ARHGAP29: variants seen among roughly 807,000 people sequenced by gnomAD.
ARHGAP29 encodes the protein Rho GTPase activating protein 29.
Under a neutral mutation model 122.6 loss-of-function variants are expected in ARHGAP29, and 43 were observed. That is an observed-to-expected ratio of 0.35 (90% confidence interval 0.27 to 0.45). ARHGAP29 has a LOEUF of 0.45. ARHGAP29 is among the 20% of genes least tolerant of loss of function. The pLI is 1.00. For missense variants in ARHGAP29, 1,303 were observed against 1,477.2 expected, an observed-to-expected ratio of 0.88 and a Z score of 1.93; for synonymous variants, 506 against 497.1, an observed-to-expected ratio of 1.02 and a Z score of -0.24.
chr1:94,241,641 A>ATT (rs1303857405), upstream of ARHGAP29, among the ~76,000 whole-genome samples: 3 of 123,400 alleles, frequency 2.4e-5, no homozygotes, highest in Non-Finnish European at 3.5e-5. Context: ...TTTATATATA[A>ATT]TTATATATAT....
intron 2 of ARHGAP29, among the ~76,000 whole-genome samples, chr1:94,222,818 AT>A (rs1184623129): frequency 6.6e-6 from 1 of 152,174 alleles, no homozygotes; most frequent in Non-Finnish European, 1.5e-5. Context: ...GGAACTTTGT[AT>A]TATTATCTCA....
chr1:94,294,710 G>A, the ARHGAP29 span, among the ~76,000 whole-genome samples: 3 of 152,198 alleles, frequency 2.0e-5, no homozygotes, highest in African/African-American at 4.8e-5. Flanking sequence ...TAGATGAGAT[G>A]AGCAGAGGGC....
intron 1 of ARHGAP29, among the ~76,000 whole-genome samples, chr1:94,268,762 T>C (rs1440704159): frequency 6.6e-6 from 1 of 152,154 alleles, no homozygotes; most frequent in East Asian, 1.9e-4. Context: ...CATAGCTCAC[T>C]GTAACCTTGA....
intron 11 of ARHGAP29, 125 bp downstream of exon 11, chr1:94,202,419 G>A (rs1650903736): frequency 1.8e-6 from 2 of 1,129,154 alleles, no homozygotes; most frequent in Non-Finnish European, 2.5e-6. Flanking sequence ...AACTCTGGGG[G>A]ATGGGCTTAG....
chr1:94,177,679 T>C lies in ARHGAP29; in HGVS notation c.2838A>G (p.Arg946=). The C allele has an allele frequency of 6.2e-7, 1 of 1,613,492 alleles. No individual in the cohort carries two copies. Among genetic ancestry groups the C allele is most frequent in the Non-Finnish European group, 8.5e-7 (1 of 1,179,856 alleles). Residue 946 remains arginine (R), a synonymous_variant, in exon 22 of 23, where the codon CGA becomes CGG. Transcript: ENST00000260526. ...GTTCTGATTCCTCAAATGATGTAGC[T>C]CGTTCAAAAATTTTGCTTTCACTCT... The part of the protein sequence containing the change: ...TSESESKIFE[R]ATSFEESERK...
intron 12 of ARHGAP29, chr1:94,195,122 A>G (rs907834700): frequency 6.6e-6 from 1 of 152,228 alleles, no homozygotes; most frequent in African/African-American, 2.4e-5. Flanking sequence ...TGTAACTGCT[A>G]TATTCTCTTG....
Position 94,203,292 on chromosome 1 carries a change from G to C in ARHGAP29, c.763-82C>G, listed in dbSNP as rs555582761. 1.0e-4 allele frequency: 98 copies of C among 944,656 alleles called. No individual in the cohort carries two copies. The South Asian group carries it at 2.0e-3, about 19-fold the overall frequency. The allele number at this position is 944,656 out of a possible 1,614,324, so 58.5% of individuals were successfully genotyped here. The stretch of plus-strand genomic sequence containing the variant: ...ACACATCACTACCCTTCTTCAAAAA[G>C]GGAAACTAAGTTTAGACTTTTGCCC... On this transcript the variant is annotated intron_variant, in intron 8 of 22. Transcript: ENST00000260526.
At chr1:94,199,806 T>A (rs775657409) in intron 12 of ARHGAP29, among the ~76,000 whole-genome samples, 2 of 152,222 alleles carry the variant, frequency 1.3e-5, no homozygotes, top group African/African-American at 2.4e-5. Context: ...AATTCCCTTG[T>A]GGCCCTGTGT....
chr1:94,223,634 T>C (rs1652452656), intron 2 of ARHGAP29, among the ~76,000 whole-genome samples: 1 of 152,074 alleles, frequency 6.6e-6, no homozygotes, highest in Admixed American at 6.5e-5. Context: ...TATATATGTA[T>C]GTATATAGCC....
chr1:94,299,916 T>C, the ARHGAP29 span, among the ~76,000 whole-genome samples: 1 of 152,264 alleles, frequency 6.6e-6, no homozygotes, highest in East Asian at 1.9e-4. Flanking sequence ...GCTTTATGTG[T>C]AGAGAGGACC....
intron 5 of ARHGAP29, among the ~76,000 whole-genome samples, 155 bp downstream of exon 5, chr1:94,208,677 C>A (rs1651374449): frequency 6.6e-6 from 1 of 152,088 alleles, no homozygotes; most frequent in Non-Finnish European, 1.5e-5. Context: ...CCAGGCTGGT[C>A]TCAAACTCCT....
chr1:94,182,023 C>T (rs913539515), intron 19 of ARHGAP29, among the ~76,000 whole-genome samples: 2 of 151,806 alleles, frequency 1.3e-5, no homozygotes, highest in African/African-American at 4.8e-5. Flanking sequence ...TATGTGGCTA[C>T]TAGAAAATTT....
the ARHGAP29 span, among the ~76,000 whole-genome samples, chr1:94,308,112 A>C: frequency 3.1e-4 from 47 of 152,186 alleles, no homozygotes; most frequent in Non-Finnish European, 5.6e-4. Context: ...ACTGAACTCA[A>C]ATTACTTTGA....
At chr1:94,177,557 C>T (rs1391408705) in intron 22 of ARHGAP29, 55 bp downstream of exon 22, 1 of 1,400,646 alleles carries the variant, frequency 7.1e-7, no homozygotes, top group South Asian at 1.3e-5. Context: ...AATCACGGTT[C>T]TACTGGTAAA....
chr1:94,276,891 A>G (rs921823405), upstream of ARHGAP29, among the ~76,000 whole-genome samples: 21 of 150,708 alleles, frequency 1.4e-4, no homozygotes, highest in Non-Finnish European at 3.0e-4. Context: ...ATGTTCCTTA[A>G]TTTCTTTTTT....
At chr1:94,305,759 C>T in the ARHGAP29 span, among the ~76,000 whole-genome samples, 1 of 152,160 alleles carries the variant, frequency 6.6e-6, no homozygotes, top group Non-Finnish European at 1.5e-5. Context: ...GAATCAGAAT[C>T]TGAAATGTGA....
At chr1:94,204,423 A>G (rs1651069019) in intron 7 of ARHGAP29, among the ~76,000 whole-genome samples, 1 of 152,234 alleles carries the variant, frequency 6.6e-6, no homozygotes, top group African/African-American at 2.4e-5. Context: ...CTGACCCTCT[A>G]CAAGACTATT....
the ARHGAP29 span, among the ~76,000 whole-genome samples, chr1:94,295,328 T>C: frequency 1.1e-4 from 17 of 152,240 alleles, no homozygotes; most frequent in East Asian, 2.9e-3. Context: ...ATTGAAAGGA[T>C]AGGGCTTTGT....
At chr1:94,260,286 C>T (rs936446951) in intron 1 of ARHGAP29, among the ~76,000 whole-genome samples, 9 of 152,332 alleles carry the variant, frequency 5.9e-5, no homozygotes, top group Admixed American at 2.0e-4. Context: ...ACCAAACCAG[C>T]TTTCGTTTCT....
Sources: allele counts gnomAD v4.1 joint callset (sites outside exome capture counted in the v4.1 genomes callset), GRCh38; gene constraint gnomAD v4.1.1; transcripts MANE v1.5; gene names NCBI Gene and HGNC (gene_info 2026-07-23, HGNC 2026-07-21).